Variants in GNAS-AS1 observed in about 807,000 individuals in gnomAD.
GNAS-AS1 encodes GNAS antisense RNA 1.
At chr20:58,843,554 T>C (rs2085825599) in intron 2 of GNAS-AS1, among the ~76,000 whole-genome samples, 1 of 152,162 alleles carries the variant, frequency 6.6e-6, no homozygotes, top group Non-Finnish European at 1.5e-5. Context: ...AGGTGAGGTC[T>C]GCGGGGTGAG....
chr20:58,827,518 G>A (rs1264961455), intron 4 of GNAS-AS1, among the ~76,000 whole-genome samples: 2 of 152,254 alleles, frequency 1.3e-5, no homozygotes, highest in Non-Finnish European at 2.9e-5. Flanking sequence ...ATGGAGGTGT[G>A]TACTACGACA....
In GNAS-AS1 at chr20:58,840,068, C is replaced by G. The variant is rs1244215240; in HGVS notation, n.819+1869G>C. On this transcript the variant is annotated intron_variant and non_coding_transcript_variant, in intron 4 of 4. Coordinates refer to ENST00000424094, the Ensembl canonical transcript of GNAS-AS1. The surrounding 1 kb of genome is among the most constrained non-coding windows in gnomAD (Gnocchi z 6.0). ...TGCTTCGGAGCCACTCTCTGCAGAGCCAGAGGGCAGGCCGGCTTCTCGGTG... is the reference window on the plus strand; with the variant it reads ...TGCTTCGGAGCCACTCTCTGCAGAGGCAGAGGGCAGGCCGGCTTCTCGGTG... 1 of 1,605,274 alleles carries G rather than the reference C, an allele frequency of 6.2e-7. No homozygotes were observed. The highest frequency in any genetic ancestry group is 1.7e-5 in the Admixed American group (1 of 60,018).
chr20:58,842,384 G>A (rs2145483675), intron 3 of GNAS-AS1: 1 of 398,180 alleles, frequency 2.5e-6, no homozygotes, highest in East Asian at 3.6e-5. Flanking sequence ...GATGAATGAC[G>A]GTCAGGTTCT....
At chr20:58,838,773 C>T (rs1334109804) in intron 4 of GNAS-AS1, 6 of 378,178 alleles carry the variant, frequency 1.6e-5, no homozygotes, top group Admixed American at 4.5e-5. Flanking sequence ...AAAAATTAGC[C>T]GAGCGTAGTG....
At chr20:58,822,634 G>A (rs2085494094) in intron 4 of GNAS-AS1, among the ~76,000 whole-genome samples, 1 of 152,214 alleles carries the variant, frequency 6.6e-6, no homozygotes, top group Non-Finnish European at 1.5e-5. Flanking sequence ...TCCCACAATG[G>A]AGGCTGGTCA....
chr20:58,839,549 C>T, intron 4 of GNAS-AS1: 1 of 405,930 alleles, frequency 2.5e-6, no homozygotes, highest in Non-Finnish European at 4.3e-6. Context: ...CCCGCCAGGC[C>T]CCCCGCCCAT....
intron 4 of GNAS-AS1, among the ~76,000 whole-genome samples, chr20:58,829,023 T>G (rs2085538701): frequency 6.7e-6 from 1 of 148,416 alleles, no homozygotes; most frequent in Non-Finnish European, 1.5e-5. Context: ...GCAGAGCTCC[T>G]GGCCCCACCG....
At chr20:58,819,896 GGGACCC>G (rs2085474264) in intron 4 of GNAS-AS1, among the ~76,000 whole-genome samples, 2 of 152,184 alleles carry the variant, frequency 1.3e-5, no homozygotes, top group Non-Finnish European at 2.9e-5. Flanking sequence ...TAGAACAGCT[GGGACCC>G]GGACTCAGGT....
intron 4 of GNAS-AS1, among the ~76,000 whole-genome samples, chr20:58,831,155 C>T (rs1397279291): frequency 4.6e-5 from 7 of 152,112 alleles, no homozygotes; most frequent in Non-Finnish European, 7.4e-5. Context: ...TCCAGATTTA[C>T]CAAATATCAC....
intron 2 of GNAS-AS1, among the ~76,000 whole-genome samples, chr20:58,847,748 A>G (rs539158258): frequency 3.0e-4 from 45 of 152,016 alleles, no homozygotes; most frequent in Non-Finnish European, 6.0e-4. Flanking sequence ...CTTCCCTTTC[A>G]CCCACCTCCC....
At chr20:58,825,334 C>A (rs1000953508) in intron 4 of GNAS-AS1, among the ~76,000 whole-genome samples, 1 of 152,182 alleles carries the variant, frequency 6.6e-6, no homozygotes, top group Admixed American at 6.5e-5. Flanking sequence ...ACCATCTCTC[C>A]TAGAGTCCAG....
At chr20:58,826,863 C>CTTTTTTTTTTTTTTTTTTTTTTTTT (rs57146714) in intron 4 of GNAS-AS1, 30 of 85,744 alleles carry the variant, frequency 3.5e-4, no homozygotes, top group South Asian at 4.7e-4. Flanking sequence ...CCATGCCTGG[C>CTTTTTTTTTTTTTTTTTTTTTTTTT]TTTTTTTTTT....
Position 58,840,858 on chromosome 20 carries a change from CCAGATTCTCCTTGTTTT to C in GNAS-AS1, n.819+1062_819+1078del, listed in dbSNP as rs2085688169. On this transcript the variant is annotated intron_variant and non_coding_transcript_variant, in intron 4 of 4. Transcript: ENST00000424094. The surrounding 1 kb of genome is among the most constrained non-coding windows in gnomAD (Gnocchi z 6.0). ...CGGCGTCACTAATGGAGGACGCCGT[CCAGATTCTCCTTGTTTT>C]CATGGATTCAGGTTAGTTGCCCACC... 1 of 1,612,676 alleles carries C rather than the reference CCAGATTCTCCTTGTTTT, an allele frequency of 6.2e-7. No individual in the cohort carries two copies. Among genetic ancestry groups the C allele is most frequent in the Admixed American group, 1.7e-5 (1 of 59,998 alleles).
chr20:58,840,636 G>A lies in GNAS-AS1; in HGVS notation n.819+1301C>T, dbSNP rs1568908369. Reference sequence around the variant, plus strand: ...CGAAGCCCCGACGCCTCCCCAAGTCGCGCGCCGCCCAGCACTCAGGAGCCC... The same window carrying A: ...CGAAGCCCCGACGCCTCCCCAAGTCACGCGCCGCCCAGCACTCAGGAGCCC... On this transcript the variant is annotated intron_variant and non_coding_transcript_variant, in intron 4 of 4. Coordinates refer to ENST00000424094, the Ensembl canonical transcript of GNAS-AS1. The surrounding 1 kb of genome is among the most constrained non-coding windows in gnomAD (Gnocchi z 6.0). 6.2e-7 allele frequency: 1 copy of A among 1,606,072 alleles called. No homozygotes were observed. Among genetic ancestry groups the A allele is most frequent in the South Asian group, 1.1e-5 (1 of 91,034 alleles).
intron 4 of GNAS-AS1, among the ~76,000 whole-genome samples, chr20:58,820,124 G>C (rs984591366): frequency 3.3e-5 from 5 of 152,276 alleles, no homozygotes; most frequent in Non-Finnish European, 7.3e-5. Flanking sequence ...ATGGCAAAGA[G>C]ATGCCTTCAC....
At chr20:58,828,163 A>T (rs770811592) in intron 4 of GNAS-AS1, among the ~76,000 whole-genome samples, 3 of 152,220 alleles carry the variant, frequency 2.0e-5, no homozygotes, top group Non-Finnish European at 2.9e-5. Flanking sequence ...GCCTTGGCCA[A>T]ACCCTTCCCG....
At chr20:58,849,840 C>G (rs2145530286) in intron 1 of GNAS-AS1, among the ~76,000 whole-genome samples, 1 of 152,340 alleles carries the variant, frequency 6.6e-6, no homozygotes, top group Admixed American at 6.5e-5. Flanking sequence ...TGTTCTCGAT[C>G]AGGATCATCC....
At position 58,823,535 on chromosome 20, in the gene GNAS-AS1, C is replaced by G. The variant is rs192569428; in HGVS notation, n.820-4280G>C. 4.4e-4 allele frequency among the ~76,000 whole-genome samples: 67 copies of G among 152,336 alleles called. No homozygotes were observed. The East Asian group carries it at 8.9e-3, about 20-fold the overall frequency. ...CGCCACAGCTGTCCTCCATCCCCCCCGTCTCCCGACCCCAGTGGGCCCCAT... is the reference window on the plus strand; with the variant it reads ...CGCCACAGCTGTCCTCCATCCCCCCGGTCTCCCGACCCCAGTGGGCCCCAT... On this transcript the variant is annotated intron_variant and non_coding_transcript_variant, in intron 4 of 4. Coordinates refer to ENST00000424094, the Ensembl canonical transcript of GNAS-AS1.
intron 4 of GNAS-AS1, chr20:58,838,854 T>C (rs572124364): frequency 5.1e-6 from 2 of 390,160 alleles, no homozygotes; most frequent in South Asian, 1.5e-4. Context: ...GAGGCAGAGG[T>C]TGCAGTGACC....
Sources: allele counts gnomAD v4.1 joint callset (sites outside exome capture counted in the v4.1 genomes callset), GRCh38; gene constraint gnomAD v4.1.1; non-coding constraint Gnocchi (gnomAD v3.1); transcripts MANE v1.5; gene names NCBI Gene and HGNC (gene_info 2026-07-23, HGNC 2026-07-21).